IFT81: variants seen among roughly 807,000 people sequenced by gnomAD.
IFT81 encodes intraflagellar transport protein 81 homolog.
IFT81 carries 72 observed loss-of-function variants against 102.6 expected under a neutral mutation model. The observed-to-expected ratio is 0.70, with a 90% CI of 0.58 to 0.85. The LOEUF (loss-of-function observed/expected upper bound fraction) is 0.85, where lower values mean the gene tolerates loss of function less well. Ranked by LOEUF, IFT81 falls within the 40% of genes least tolerant of loss-of-function variation. IFT81 has a pLI of 0.00. For synonymous variants in IFT81, 237 were observed against 242.7 expected, an observed-to-expected ratio of 0.98 and a Z score of 0.22; for missense variants, 723 against 787.3, an observed-to-expected ratio of 0.92 and a Z score of 0.98.
intron 9 of IFT81, among the ~76,000 whole-genome samples, chr12:110,146,242 G>C (rs1415282198): frequency 3.3e-5 from 5 of 152,178 alleles, no homozygotes; most frequent in Non-Finnish European, 5.9e-5. Context: ...GCTTCTGTCA[G>C]ATTTATTCAG....
At chr12:110,133,028 T>C (rs1894266741) in intron 5 of IFT81, among the ~76,000 whole-genome samples, 1 of 150,002 alleles carries the variant, frequency 6.7e-6, no homozygotes, top group Non-Finnish European at 1.5e-5. Flanking sequence ...TGGAGTACAG[T>C]GGTGTGATCA....
chr12:110,196,172 C>T (rs1373415209), intron 14 of IFT81, among the ~76,000 whole-genome samples: 1 of 152,106 alleles, frequency 6.6e-6, no homozygotes, highest in Admixed American at 6.6e-5. Context: ...GAATTGCACA[C>T]TTAAAAAATG....
chr12:110,173,541 A>G (rs1401345509), intron 11 of IFT81, among the ~76,000 whole-genome samples: 1 of 152,228 alleles, frequency 6.6e-6, no homozygotes, highest in African/African-American at 2.4e-5. Flanking sequence ...GGTGGGGAAA[A>G]GATTGAGAAA....
chr12:110,184,304 C>G (rs1253124693), intron 12 of IFT81, among the ~76,000 whole-genome samples: 1 of 152,078 alleles, frequency 6.6e-6, no homozygotes, highest in Non-Finnish European at 1.5e-5. Flanking sequence ...GAGCCGAGAT[C>G]ATGCCACTGG....
rs112501329 is a variant in IFT81, at chr12:110,148,748, C to T, written c.1041+1700C>T. ...TTGGCCTCCCAAAGTGCTGGGATTA[C>T]AGGTGTGAGCCACCGTGCCTGGCCC... On this transcript the variant is annotated intron_variant, in intron 10 of 18. Transcript: ENST00000242591. Among the ~76,000 whole-genome samples the T allele has an allele frequency of 2.6e-3, 394 of 152,286 alleles. 2 individuals carry two copies. The highest frequency in any genetic ancestry group is 8.5e-3 in the African/African-American group (354 of 41,564).
At chr12:110,189,280 T>G (rs940767200) in intron 12 of IFT81, among the ~76,000 whole-genome samples, 1 of 152,168 alleles carries the variant, frequency 6.6e-6, no homozygotes, top group African/African-American at 2.4e-5. Context: ...TTGTGACAAC[T>G]CACCAATTTA....
chr12:110,153,077 C>T (rs78634115), intron 10 of IFT81, among the ~76,000 whole-genome samples: 3,576 of 152,218 alleles, frequency 0.023, 146 homozygotes, highest in African/African-American at 0.081. Context: ...AATAAATCAT[C>T]GCTAAATCCA....
At chr12:110,215,080 C>G (rs116674159) in intron 18 of IFT81, among the ~76,000 whole-genome samples, 1,543 of 152,178 alleles carry the variant, frequency 0.01, 32 homozygotes, top group Middle Eastern at 0.044. Context: ...TTTCATTATG[C>G]ATAGCTGGGT....
chr12:110,124,972 G>A (rs1479895260), intron 1 of IFT81, 111 bp downstream of exon 1: 2 of 152,212 alleles, frequency 1.3e-5, no homozygotes, highest in African/African-American at 4.8e-5. Context: ...TTCCTGTTCA[G>A]TACATCTTTG....
chr12:110,127,185 A>G (rs1329750914), intron 1 of IFT81, among the ~76,000 whole-genome samples, 175 bp from the exon 2 acceptor site: 1 of 152,260 alleles, frequency 6.6e-6, no homozygotes, highest in East Asian at 1.9e-4. Context: ...TGCAGTTTTC[A>G]TAGTAAAGCC....
chr12:110,154,597 A>T (rs1895732834), intron 10 of IFT81, among the ~76,000 whole-genome samples: 1 of 150,098 alleles, frequency 6.7e-6, no homozygotes, highest in African/African-American at 2.5e-5. Context: ...TCTGCATTAC[A>T]GCCTGGGTGA....
In IFT81 at chr12:110,168,470, C is replaced by A. The variant is rs1399284610; in HGVS notation, c.1188+5405C>A. ...AGTTTTGTTTGCCAATTCAACACAT[C>A]ATCTGTTACTAACGCAGCTTTAAAA... is the stretch of plus-strand genomic sequence containing the variant. On this transcript the variant is annotated intron_variant, in intron 11 of 18. Coordinates refer to ENST00000242591, the MANE Select transcript of IFT81 (RefSeq NM_014055.4). The A allele has an allele frequency of 1.6e-5, 15 of 965,396 alleles. No individual in the cohort carries two copies. The East Asian group carries it at 1.5e-3, about 96-fold the overall frequency. The allele number at this position is 965,396 out of a possible 1,614,324, so 59.8% of individuals were successfully genotyped here.
At position 110,218,377 on chromosome 12, in the gene IFT81, T is replaced by A; in HGVS notation, c.*151T>A. ...GTTTTCATAGAAAATAATGTTAAGG[T>A]AGATTTAGTTTGAATGTTTTTTCAT... is the stretch of plus-strand genomic sequence containing the variant. On this transcript the variant is annotated 3_prime_UTR_variant, in exon 19 of 19. Coordinates refer to ENST00000242591, the MANE Select transcript of IFT81 (RefSeq NM_014055.4). 1 of 536,640 alleles carries A rather than the reference T, an allele frequency of 1.9e-6. No individual in the cohort carries two copies. Among genetic ancestry groups the A allele is most frequent in the Non-Finnish European group, 3.1e-6 (1 of 322,930 alleles). The allele number at this position is 536,640 out of a possible 1,614,324, so 33.2% of individuals were successfully genotyped here. A position where few individuals can be genotyped will look rare whatever the true frequency, so the allele number is the denominator to read the frequency against.
intron 13 of IFT81, 121 bp downstream of exon 13, chr12:110,191,169 T>A: frequency 1.7e-5 from 4 of 232,772 alleles, no homozygotes; most frequent in Non-Finnish European, 2.8e-5. Context: ...TTCTTTCATC[T>A]TTTTTTTTTT....
At chr12:110,127,226 C>T in intron 1 of IFT81, 134 bp from the exon 2 acceptor site, 2 of 847,086 alleles carry the variant, frequency 2.4e-6, no homozygotes, top group Non-Finnish European at 3.4e-6. Context: ...AACAAAATAA[C>T]CCTTTTCACA....
intron 11 of IFT81, among the ~76,000 whole-genome samples, chr12:110,163,614 CTTTTTTT>C (rs895090240): frequency 2.4e-5 from 3 of 126,116 alleles, no homozygotes; most frequent in Admixed American, 8.1e-5. Flanking sequence ...CAAATTTTCA[CTTTTTTT>C]TTTTTTTTTT....
chr12:110,191,467 G>T (rs150065210), intron 13 of IFT81, among the ~76,000 whole-genome samples: 1 of 151,866 alleles, frequency 6.6e-6, no homozygotes, highest in Non-Finnish European at 1.5e-5. Flanking sequence ...CACTACACCC[G>T]GTCTCATCTG....
At position 110,189,624 on chromosome 12, in the gene IFT81, C is replaced by T. The variant is rs148250873; in HGVS notation, c.1339-1296C>T. Among the ~76,000 whole-genome samples, 538 of 152,306 alleles carry T rather than the reference C, an allele frequency of 3.5e-3. 1 individual carries two copies. The highest frequency in any genetic ancestry group is 0.012 in the African/African-American group (514 of 41,562). ...TCAGCCTCCCAAAGTAGTGGGATTACAGGCGCGAGCCACCACACCTGGCCT... is the reference window on the plus strand; with the variant it reads ...TCAGCCTCCCAAAGTAGTGGGATTATAGGCGCGAGCCACCACACCTGGCCT... On this transcript the variant is annotated intron_variant, in intron 12 of 18. Coordinates refer to ENST00000242591, the MANE Select transcript of IFT81 (RefSeq NM_014055.4).
intron 12 of IFT81, among the ~76,000 whole-genome samples, chr12:110,182,944 T>C (rs1357468377): frequency 6.6e-6 from 1 of 152,192 alleles, no homozygotes; most frequent in East Asian, 1.9e-4. Context: ...CACCATATCA[T>C]GGGCATCGGT....
Sources: gnomAD v4.1 joint callset for allele counts (sites outside exome capture counted in the v4.1 genomes callset) on GRCh38, gnomAD v4.1.1 for gene constraint, MANE v1.5 for transcripts, NCBI Gene and HGNC (gene_info 2026-07-23, HGNC 2026-07-21) for gene names.